The following AEBP2 variants were observed in gnomAD, a reference collection of about 807,000 sequenced individuals.
The protein encoded by AEBP2 is zinc finger protein AEBP2.
AEBP2 carries 10 observed loss-of-function variants against 50.8 expected under a neutral mutation model. The observed-to-expected ratio is 0.20, with a 90% CI of 0.12 to 0.33. The LOEUF (loss-of-function observed/expected upper bound fraction) is 0.33, where lower values mean the gene tolerates loss of function less well. Ranked by LOEUF, AEBP2 falls within the 10% of genes least tolerant of loss-of-function variation. AEBP2 has a pLI of 1.00. For missense variants in AEBP2, 570 were observed against 688.0 expected, an observed-to-expected ratio of 0.83 and a Z score of 1.92; for synonymous variants, 296 against 261.3, an observed-to-expected ratio of 1.13 and a Z score of -1.28.
chr12:19,416,727 A>C (rs1431310369), intron 1 of AEBP2, among the ~76,000 whole-genome samples: 1 of 146,684 alleles, frequency 6.8e-6, no homozygotes, highest in Non-Finnish European at 1.5e-5. Flanking sequence ...GGGTTCAAGC[A>C]ATTCTCCGGG....
intron 2 of AEBP2, among the ~76,000 whole-genome samples, chr12:19,470,831 G>C (rs1399900113): frequency 6.6e-6 from 1 of 152,124 alleles, no homozygotes; most frequent in Non-Finnish European, 1.5e-5. Flanking sequence ...GAGTAGGGCG[G>C]GGGGGTCACT....
In AEBP2 at chr12:19,481,113, T is replaced by C. The variant is rs911167405; in HGVS notation, c.987+7758T>C. 4.6e-4 allele frequency among the ~76,000 whole-genome samples: 65 copies of C among 141,500 alleles called. No individual in the cohort carries two copies. In the East Asian group the frequency reaches 9.4e-3, roughly 20 times the overall value. 92.8% of individuals were successfully genotyped at this position (141,500 alleles called of 152,430 possible). ...CATCCTTTTTTTTTTTTTTTTTTTT[T>C]TTTTTGAGACCGAGTCTCACTCTGT... On this transcript the variant is annotated intron_variant, in intron 3 of 7. Coordinates refer to ENST00000266508, the MANE Select transcript of AEBP2 (RefSeq NM_153207.5).
chr12:19,491,496 T>C (rs1480441279), intron 3 of AEBP2, among the ~76,000 whole-genome samples: 2 of 152,186 alleles, frequency 1.3e-5, no homozygotes, highest in East Asian at 3.9e-4. Context: ...CTATATCTTA[T>C]TCATCTTTAT....
In AEBP2 at chr12:19,451,813, C is replaced by T. The variant is rs1592726161; in HGVS notation, c.672-10697C>T. Among the ~76,000 whole-genome samples, 3 of 152,250 alleles carry T rather than the reference C, an allele frequency of 2.0e-5. No individual in the cohort carries two copies. In the East Asian group the frequency reaches 5.8e-4, roughly 29 times the overall value. On this transcript the variant is annotated intron_variant, in intron 1 of 7. Coordinates refer to ENST00000266508, the MANE Select transcript of AEBP2 (RefSeq NM_153207.5). ...AGCTCTGATACTCAAGCCATCCTAC[C>T]ACCTTAGCCTCCTGAGTAGCTGGGA...
intron 1 of AEBP2, among the ~76,000 whole-genome samples, chr12:19,417,478 C>T (rs1036594640): frequency 6.6e-6 from 1 of 152,124 alleles, no homozygotes; most frequent in Non-Finnish European, 1.5e-5. Flanking sequence ...ATGATCTCGG[C>T]TCACTGCAAC....
upstream of AEBP2, among the ~76,000 whole-genome samples, chr12:19,437,335 ATTAAT>A (rs1464161361): frequency 1.1e-4 from 16 of 152,168 alleles, no homozygotes; most frequent in African/African-American, 3.4e-4. Flanking sequence ...CTTCCATTAA[ATTAAT>A]TTGTTACACT....
rs543600991 is a variant in AEBP2 at position 19,518,985 on chromosome 12, T to G, written c.*868T>G. ...GAAATCATTTGGTTTTTGAGTTGTT[T>G]TTTCTTAATGTAAGAAAAATTGTAT... On this transcript the variant is annotated 3_prime_UTR_variant, in exon 8 of 8. Coordinates refer to ENST00000266508, the MANE Select transcript of AEBP2 (RefSeq NM_153207.5). 5.9e-5 allele frequency: 14 copies of G among 236,938 alleles called. No homozygotes were observed. In the South Asian group the frequency reaches 2.3e-3, roughly 39 times the overall value. The allele number at this position is 236,938 out of a possible 1,614,324, so 14.7% of individuals were successfully genotyped here.
At position 19,519,615 on chromosome 12, in the gene AEBP2, A is replaced by C. The variant is rs1172974436; in HGVS notation, c.*1498A>C. ...AAATACTCCTGGTTGAGGAGTTTTCACTTTACTACAGTGATATAAAAACCA... is the reference window on the plus strand; with the variant it reads ...AAATACTCCTGGTTGAGGAGTTTTCCCTTTACTACAGTGATATAAAAACCA... On this transcript the variant is annotated 3_prime_UTR_variant, in exon 8 of 8. Coordinates refer to ENST00000266508, the MANE Select transcript of AEBP2 (RefSeq NM_153207.5). The C allele has an allele frequency of 1.3e-5, 2 of 152,620 alleles. No homozygotes were observed. Among genetic ancestry groups the C allele is most frequent in the Admixed American group, 1.3e-4 (2 of 15,288 alleles). 9.5% of individuals were successfully genotyped at this position (152,620 alleles called of 1,614,324 possible).
At chr12:19,504,382 C>T (rs1174711584) in intron 5 of AEBP2, among the ~76,000 whole-genome samples, 2 of 41,444 alleles carry the variant, frequency 4.8e-5, no homozygotes, top group Non-Finnish European at 2.0e-4. Context: ...ATACAGGCGC[C>T]CCCCCCACCA....
intron 1 of AEBP2, among the ~76,000 whole-genome samples, chr12:19,450,702 A>G (rs1383300476): frequency 6.7e-6 from 1 of 148,802 alleles, no homozygotes; most frequent in African/African-American, 2.5e-5. Flanking sequence ...AGACAGATGT[A>G]GTGGTGGTGC....
intron 1 of AEBP2, among the ~76,000 whole-genome samples, chr12:19,450,242 G>A (rs1948142886): frequency 6.6e-6 from 1 of 152,126 alleles, no homozygotes; most frequent in East Asian, 1.9e-4. Flanking sequence ...AATGTTTGGA[G>A]TTGGATTTGA....
At chr12:19,439,155 C>T (rs543643423), upstream of AEBP2, among the ~76,000 whole-genome samples, 1 of 152,198 alleles carries the variant, frequency 6.6e-6, no homozygotes, top group African/African-American at 2.4e-5. Flanking sequence ...CATTTTAAAC[C>T]GCTCTCTTCG....
intron 2 of AEBP2, 124 bp downstream of exon 2, chr12:19,462,841 A>G (rs1049350195): frequency 4.6e-6 from 4 of 861,612 alleles, no homozygotes; most frequent in Non-Finnish European, 6.9e-6. Flanking sequence ...TAGTTTTTTC[A>G]AGTGAATTTT....
intron 1 of AEBP2, among the ~76,000 whole-genome samples, chr12:19,422,776 T>G (rs1348834143): frequency 1.3e-5 from 2 of 152,138 alleles, no homozygotes; most frequent in African/African-American, 4.8e-5. Flanking sequence ...TAAGAACATC[T>G]GCCCAGGCCG....
chr12:19,466,522 C>T (rs1351585456), intron 2 of AEBP2, among the ~76,000 whole-genome samples: 10 of 152,246 alleles, frequency 6.6e-5, no homozygotes, highest in Middle Eastern at 3.4e-3. Flanking sequence ...ATTGTGTAAT[C>T]GCCACCCGCT....
intron 1 of AEBP2, among the ~76,000 whole-genome samples, chr12:19,453,546 C>G (rs1258297984): frequency 6.6e-6 from 1 of 152,092 alleles, no homozygotes; most frequent in African/African-American, 2.4e-5. Flanking sequence ...GCCTCAGCCT[C>G]CTGTGTAGCT....
chr12:19,434,500 A>C (rs1218799250), upstream of AEBP2, among the ~76,000 whole-genome samples: 1 of 152,228 alleles, frequency 6.6e-6, no homozygotes, highest in Non-Finnish European at 1.5e-5. Flanking sequence ...ATGCAGACAT[A>C]AAACTGCTCT....
rs990081083 is a variant in AEBP2 at position 19,500,080 on chromosome 12, T to G, written c.1175-17T>G. 6.3e-7 allele frequency: 1 copy of G among 1,593,622 alleles called. No homozygotes were observed. The highest frequency in any genetic ancestry group is 8.5e-7 in the Non-Finnish European group (1 of 1,170,400). On this transcript the variant is annotated splice_polypyrimidine_tract_variant and intron_variant, in intron 4 of 7. Transcript: ENST00000266508. ...ATGTTTTTCTAAATATTCTTTACTT[T>G]TTATGTTGACTTTTAGCACGGCCAC...
intron 1 of AEBP2, chr12:19,413,269 T>G (rs1196308334): frequency 1.6e-6 from 2 of 1,241,888 alleles, no homozygotes; most frequent in Non-Finnish European, 2.4e-6. Flanking sequence ...ACTTAGCACT[T>G]GTAAAGCCTG....
Sources: allele counts gnomAD v4.1 joint callset (sites outside exome capture counted in the v4.1 genomes callset), GRCh38; gene constraint gnomAD v4.1.1; transcripts MANE v1.5; gene names NCBI Gene and HGNC (gene_info 2026-07-23, HGNC 2026-07-21).